Variants in CAMK1D observed in about 807,000 individuals in gnomAD.
The protein encoded by CAMK1D is calcium/calmodulin dependent protein kinase ID.
Under a neutral mutation model 47.7 loss-of-function variants are expected in CAMK1D, and 9 were observed. The ratio of observed to expected loss-of-function variants is 0.19; its 90% confidence interval spans 0.11 to 0.33. The LOEUF (loss-of-function observed/expected upper bound fraction) is 0.33, where lower values mean the gene tolerates loss of function less well. Ranked by LOEUF, CAMK1D falls within the 10% of genes least tolerant of loss-of-function variation. CAMK1D has a pLI of 1.00. For missense variants in CAMK1D, 291 were observed against 488.7 expected (o/e 0.60, Z 3.81); for synonymous variants, 184 against 184.9 (o/e 0.99, Z 0.04).
chr10:12,586,125 A>G (rs573397160), intron 2 of CAMK1D, among the ~76,000 whole-genome samples: 72 of 152,324 alleles, frequency 4.7e-4, no homozygotes, highest in African/African-American at 1.7e-3. Flanking sequence ...CCCACCATGA[A>G]TTAATGCACA....
rs574762998 is a variant in CAMK1D, at chr10:12,631,989, C to T, written c.225-34747C>T. On this transcript the variant is annotated intron_variant, in intron 2 of 10. Transcript: ENST00000619168. ...TTGTTCAATGAGTGAGCGAATGAAC[C>T]GAGCTCTTAACGCACCACACCGTGC... 4.6e-5 allele frequency among the ~76,000 whole-genome samples: 7 copies of T among 152,170 alleles called. No homozygotes were observed. The South Asian group carries it at 1.2e-3, about 27-fold the overall frequency.
At position 12,521,029 on chromosome 10, in the gene CAMK1D, C is replaced by G. The variant is rs746144533; in HGVS notation, c.93-32196C>G. On this transcript the variant is annotated intron_variant, in intron 1 of 10. Coordinates refer to ENST00000619168, the MANE Select transcript of CAMK1D (RefSeq NM_153498.4). ...TGTTCTCTTTTTAAAATCAGCTTGG[C>G]TAGAGGTTTATCAGTTTTCTATATC... 5.3e-5 allele frequency among the ~76,000 whole-genome samples: 8 copies of G among 151,190 alleles called. 1 individual carries two copies. Among genetic ancestry groups the G allele is most frequent in the Admixed American group, 3.3e-4 (5 of 15,100 alleles).
At chr10:12,596,494 C>T (rs753729832) in intron 2 of CAMK1D, among the ~76,000 whole-genome samples, 3 of 152,142 alleles carry the variant, frequency 2.0e-5, no homozygotes, top group Non-Finnish European at 4.4e-5. Flanking sequence ...ACCTAGGAAC[C>T]CAAGGTGCTG....
intron 1 of CAMK1D, among the ~76,000 whole-genome samples, chr10:12,507,524 G>C (rs1004425042): frequency 6.6e-6 from 1 of 151,984 alleles, no homozygotes; most frequent in Non-Finnish European, 1.5e-5. Flanking sequence ...TCCTTTTTCA[G>C]GAATGACAGA....
intron 1 of CAMK1D, among the ~76,000 whole-genome samples, chr10:12,490,062 C>T (rs940715973): frequency 2.6e-5 from 4 of 152,142 alleles, no homozygotes; most frequent in Non-Finnish European, 5.9e-5. Flanking sequence ...CAGGGGAGGG[C>T]AAGGGTGCCA....
intron 1 of CAMK1D, among the ~76,000 whole-genome samples, chr10:12,534,363 C>T (rs7084136): frequency 0.21 from 31,944 of 151,994 alleles, 3,827 homozygotes; most frequent in South Asian, 0.27. Flanking sequence ...GCACCCACCA[C>T]CAGACCCAGC....
chr10:12,460,314 G>A (rs1319707116), intron 1 of CAMK1D, among the ~76,000 whole-genome samples: 1 of 150,200 alleles, frequency 6.7e-6, no homozygotes, highest in Non-Finnish European at 1.5e-5. Context: ...AGTCTGGAGT[G>A]CAGTGGTGTG....
intron 3 of CAMK1D, among the ~76,000 whole-genome samples, chr10:12,713,253 G>C (rs907035136): frequency 2.2e-4 from 34 of 152,160 alleles, no homozygotes; most frequent in Non-Finnish European, 3.2e-4. Context: ...TGTATTTTTA[G>C]TAGTAACAGG....
intron 2 of CAMK1D, among the ~76,000 whole-genome samples, chr10:12,584,939 A>G (rs1167154534): frequency 2.0e-5 from 3 of 152,206 alleles, no homozygotes; most frequent in African/African-American, 7.2e-5. Flanking sequence ...CATGCTTTAC[A>G]ATTCCTGCAT....
chr10:12,777,411 T>C (rs1408450081), intron 5 of CAMK1D, among the ~76,000 whole-genome samples: 1 of 149,934 alleles, frequency 6.7e-6, no homozygotes, highest in Non-Finnish European at 1.5e-5. Context: ...TTGCTCTTGT[T>C]GCCCAGCCTG....
chr10:12,629,610 G>A lies in CAMK1D; in HGVS notation c.225-37126G>A, dbSNP rs1040401457. Among the ~76,000 whole-genome samples, 57 of 152,344 alleles carry A rather than the reference G, an allele frequency of 3.7e-4. 1 individual carries two copies. Among genetic ancestry groups the A allele is most frequent in the African/African-American group, 1.1e-3 (47 of 41,572 alleles). On this transcript the variant is annotated intron_variant, in intron 2 of 10. Coordinates refer to ENST00000619168, the MANE Select transcript of CAMK1D (RefSeq NM_153498.4). ...GATTATAGTCATCGCAGACAAGGAC[G>A]TGTTCTCCACCTGTGATTTTGTTTC... is the stretch of plus-strand genomic sequence containing the variant.
chr10:12,650,983 G>A lies in CAMK1D; in HGVS notation c.225-15753G>A, dbSNP rs139908516. Among the ~76,000 whole-genome samples the A allele has an allele frequency of 2.0e-3, 300 of 152,302 alleles. 2 individuals are homozygous for A. Among genetic ancestry groups the A allele is most frequent in the Middle Eastern group, 0.017 (5 of 294 alleles). ...GAGTTCGCTTCCCCTAAGGCTCCCT[G>A]GATTAAGCTTCACACATCCCGACGG... On this transcript the variant is annotated intron_variant, in intron 2 of 10. Transcript: ENST00000619168.
In CAMK1D at chr10:12,374,258, C is replaced by CAA. The variant is rs56312810; in HGVS notation, c.92+24369_92+24370dup. On this transcript the variant is annotated intron_variant, in intron 1 of 10. Coordinates refer to ENST00000619168, the MANE Select transcript of CAMK1D (RefSeq NM_153498.4). Reference sequence around the variant, plus strand: ...CTTGTGACAGAGCGAGACTCTGTCTCAAAAAAAAAAAAAAAAAAAAAAGAA... The same window carrying CAA: ...CTTGTGACAGAGCGAGACTCTGTCTCAAAAAAAAAAAAAAAAAAAAAAAAGAA... Among the ~76,000 whole-genome samples the CAA allele has an allele frequency of 4.6e-4, 42 of 91,686 alleles. 1 individual carries two copies. The highest frequency in any genetic ancestry group is 7.8e-4 in the Admixed American group (6 of 7,658). 60.1% of individuals were successfully genotyped at this position (91,686 alleles called of 152,430 possible).
At chr10:12,728,563 A>T (rs1209593138) in intron 3 of CAMK1D, among the ~76,000 whole-genome samples, 2 of 151,514 alleles carry the variant, frequency 1.3e-5, no homozygotes, top group Admixed American at 6.6e-5. Flanking sequence ...GAGGTGATCC[A>T]GTATTGCACT....
At chr10:12,367,304 CTT>C (rs1329570241) in intron 1 of CAMK1D, among the ~76,000 whole-genome samples, 1 of 151,974 alleles carries the variant, frequency 6.6e-6, no homozygotes, top group Non-Finnish European at 1.5e-5. Flanking sequence ...AGAACACAGT[CTT>C]TGGAAATTCT....
intron 3 of CAMK1D, among the ~76,000 whole-genome samples, chr10:12,753,830 G>T (rs1836105396): frequency 6.6e-6 from 1 of 152,034 alleles, no homozygotes; most frequent in African/African-American, 2.4e-5. Flanking sequence ...CCATTTACTG[G>T]GCCTTGGCTG....
intron 1 of CAMK1D, among the ~76,000 whole-genome samples, chr10:12,439,734 A>T (rs1013095878): frequency 3.3e-5 from 5 of 152,226 alleles, no homozygotes; most frequent in Non-Finnish European, 7.3e-5. Flanking sequence ...GAAAGACCTT[A>T]GTGGCCTAGA....
chr10:12,700,740 G>A (rs545615231), intron 3 of CAMK1D, among the ~76,000 whole-genome samples: 1 of 152,310 alleles, frequency 6.6e-6, no homozygotes, highest in African/African-American at 2.4e-5. Context: ...TTTGACCTCA[G>A]CCTGGAATGT....
chr10:12,442,976 T>A (rs755722928), intron 1 of CAMK1D, among the ~76,000 whole-genome samples: 1 of 152,232 alleles, frequency 6.6e-6, no homozygotes, highest in Non-Finnish European at 1.5e-5. Flanking sequence ...TCATTTCTTT[T>A]ACTTTTCTAC....
Sources: allele counts gnomAD v4.1 joint callset (sites outside exome capture counted in the v4.1 genomes callset), GRCh38; gene constraint gnomAD v4.1.1; transcripts MANE v1.5; gene names NCBI Gene and HGNC (gene_info 2026-07-23, HGNC 2026-07-21).